Variants in DNAJC6 observed in about 807,000 individuals in gnomAD.
DNAJC6 encodes DnaJ heat shock protein family (Hsp40) member C6, also known as auxilin.
A neutral mutation model predicts 110.0 loss-of-function variants in DNAJC6; 34 were observed. That is an observed-to-expected ratio of 0.31 (90% CI 0.24 to 0.41). The LOEUF is 0.41. Ranked by LOEUF, DNAJC6 falls within the 10% of genes least tolerant of loss-of-function variation. The pLI is 1.00. For synonymous variants in DNAJC6, 406 were observed against 437.2 expected (o/e 0.93, Z 0.89); for missense variants, 1,031 against 1,207.8 (o/e 0.85, Z 2.17).
intron 11 of DNAJC6, among the ~76,000 whole-genome samples, chr1:65,390,841 A>G (rs1374519683): frequency 6.6e-6 from 1 of 152,244 alleles, no homozygotes; most frequent in Admixed American, 6.5e-5. Context: ...ACCCAGTGGT[A>G]TCTGGACAGT....
intron 1 of DNAJC6, among the ~76,000 whole-genome samples, chr1:65,350,848 C>A (rs1212546004): frequency 6.6e-6 from 1 of 152,156 alleles, no homozygotes; most frequent in Non-Finnish European, 1.5e-5. Flanking sequence ...CCAACATATG[C>A]CAGCATTTAT....
intron 1 of DNAJC6, among the ~76,000 whole-genome samples, chr1:65,295,035 T>G (rs994618306): frequency 6.6e-6 from 1 of 152,220 alleles, no homozygotes; most frequent in East Asian, 1.9e-4. Flanking sequence ...GGGATGGAAG[T>G]GCTAATCCAA....
chr1:65,396,011 A>G (rs1645973560), intron 13 of DNAJC6, among the ~76,000 whole-genome samples: 1 of 152,244 alleles, frequency 6.6e-6, no homozygotes, highest in Non-Finnish European at 1.5e-5. Flanking sequence ...TGGAGAATGC[A>G]GTCCAGTCAT....
chr1:65,345,568 C>G, intron 1 of DNAJC6: 1 of 720,918 alleles, frequency 1.4e-6, no homozygotes, highest in Non-Finnish European at 1.7e-6. Context: ...TCACAACACG[C>G]TAGTACTAAA....
In DNAJC6 at chr1:65,388,321, C is replaced by G. The variant is rs1457864041; in HGVS notation, c.1114-15C>G. 3 of 1,609,892 alleles carry G rather than the reference C, an allele frequency of 1.9e-6. No individual in the cohort carries two copies. The highest frequency in any genetic ancestry group is 3.3e-5 in the Admixed American group (2 of 60,014). The stretch of plus-strand genomic sequence containing the variant: ...CGCTGATTGATTGTAATGTGCTTCT[C>G]TCATGTATTTTTAGGTGACCAACAC... On this transcript the variant is annotated splice_polypyrimidine_tract_variant and intron_variant, in intron 8 of 18. Transcript: ENST00000371069.
chr1:65,332,918 G>C (rs566520300), intron 1 of DNAJC6, among the ~76,000 whole-genome samples: 1 of 152,288 alleles, frequency 6.6e-6, no homozygotes, highest in East Asian at 1.9e-4. Flanking sequence ...GGGATTTATA[G>C]AAAATTGGAG....
intron 14 of DNAJC6, among the ~76,000 whole-genome samples, chr1:65,400,673 A>G (rs1483740280): frequency 1.3e-5 from 2 of 152,146 alleles, no homozygotes; most frequent in South Asian, 2.1e-4. Context: ...CTTCCTTTTT[A>G]TGGCTCAATA....
intron 17 of DNAJC6, among the ~76,000 whole-genome samples, chr1:65,410,173 T>C (rs987857306): frequency 6.6e-6 from 1 of 152,242 alleles, no homozygotes; most frequent in African/African-American, 2.4e-5. Flanking sequence ...AATCTGTCTC[T>C]GTATTAAAGC....
chr1:65,332,092 A>C (rs796516205), intron 1 of DNAJC6, among the ~76,000 whole-genome samples: 63 of 152,264 alleles, frequency 4.1e-4, no homozygotes, highest in African/African-American at 1.5e-3. Context: ...GTCTGGTTAG[A>C]GATCACAGGC....
chr1:65,350,140 G>A (rs536168729), intron 1 of DNAJC6, among the ~76,000 whole-genome samples: 3 of 152,052 alleles, frequency 2.0e-5, no homozygotes, highest in East Asian at 3.9e-4. Context: ...TTCTTCCTGC[G>A]TCCCTTCTTA....
At chr1:65,327,451 A>T (rs973271730) in intron 1 of DNAJC6, among the ~76,000 whole-genome samples, 1 of 152,194 alleles carries the variant, frequency 6.6e-6, no homozygotes, top group Non-Finnish European at 1.5e-5. Flanking sequence ...CAAGGTCAAA[A>T]GTGACTTAGA....
At chr1:65,389,975 T>C (rs1404884535) in intron 11 of DNAJC6, among the ~76,000 whole-genome samples, 1 of 151,784 alleles carries the variant, frequency 6.6e-6, no homozygotes, top group African/African-American at 2.4e-5. Flanking sequence ...ATTGCGCCAC[T>C]GCACTGCATT....
chr1:65,299,645 T>A (rs61779319), intron 1 of DNAJC6, among the ~76,000 whole-genome samples: 54,358 of 151,138 alleles, frequency 0.36, 9,947 homozygotes, highest in Non-Finnish European at 0.42. Context: ...TTTTAATAAC[T>A]ACCCTGTTTT....
chr1:65,326,810 C>T (rs950547662), intron 1 of DNAJC6, among the ~76,000 whole-genome samples: 10 of 152,206 alleles, frequency 6.6e-5, no homozygotes, highest in African/African-American at 2.2e-4. Context: ...CAGTTCTCAA[C>T]GATCATCTGT....
intron 1 of DNAJC6, among the ~76,000 whole-genome samples, chr1:65,339,450 A>G (rs529059143): frequency 1.2e-3 from 186 of 152,334 alleles, no homozygotes; most frequent in African/African-American, 4.4e-3. Flanking sequence ...CTACGAATGC[A>G]AGATAGTAAT....
At chr1:65,294,380 G>A (rs1248491415) in intron 1 of DNAJC6, among the ~76,000 whole-genome samples, 1 of 152,050 alleles carries the variant, frequency 6.6e-6, no homozygotes, top group African/African-American at 2.4e-5. Flanking sequence ...TTTGATCCTG[G>A]GCTTGGGACT....
At chr1:65,350,473 T>C (rs1645480312) in intron 1 of DNAJC6, among the ~76,000 whole-genome samples, 1 of 152,236 alleles carries the variant, frequency 6.6e-6, no homozygotes, top group Non-Finnish European at 1.5e-5. Context: ...TCTATTTCTA[T>C]TTACTGCTCT....
At chr1:65,407,128 C>T (rs1033445102) in intron 16 of DNAJC6, among the ~76,000 whole-genome samples, 3 of 152,106 alleles carry the variant, frequency 2.0e-5, no homozygotes, top group African/African-American at 7.2e-5. Context: ...TTATGAGTAG[C>T]GTGATGAAAC....
At chr1:65,397,855 A>T (rs1442978489) in intron 13 of DNAJC6, among the ~76,000 whole-genome samples, 1 of 152,210 alleles carries the variant, frequency 6.6e-6, no homozygotes, top group African/African-American at 2.4e-5. Flanking sequence ...GTTGGTACTA[A>T]GTAAACAAAA....
Sources: gnomAD v4.1 joint callset for allele counts (sites outside exome capture counted in the v4.1 genomes callset) on GRCh38, gnomAD v4.1.1 for gene constraint, MANE v1.5 for transcripts, NCBI Gene and HGNC (gene_info 2026-07-23, HGNC 2026-07-21) for gene names.